HS6ST3: variants seen among roughly 807,000 people sequenced by gnomAD.
HS6ST3 encodes heparan sulfate 6-O-sulfotransferase 3, also known as heparan-sulfate 6-O-sulfotransferase 3.
A neutral mutation model predicts 36.7 loss-of-function variants in HS6ST3; 12 were observed. That is an observed-to-expected ratio of 0.33 (90% CI 0.21 to 0.53). HS6ST3 has a LOEUF of 0.53. HS6ST3 is among the 20% of genes least tolerant of loss of function. The pLI is 0.95. For missense variants in HS6ST3, 584 were observed against 640.9 expected (o/e 0.91, Z 0.96); for synonymous variants, 240 against 257.5 (o/e 0.93, Z 0.65).
intron 1 of HS6ST3, among the ~76,000 whole-genome samples, chr13:96,478,024 A>C (rs2055872456): frequency 6.6e-6 from 1 of 152,210 alleles, no homozygotes; most frequent in Non-Finnish European, 1.5e-5. Context: ...CAAGAAGAGA[A>C]GGGGAACTTT....
At chr13:96,199,709 T>TTTTAAA (rs2054331780) in intron 1 of HS6ST3, among the ~76,000 whole-genome samples, 1 of 152,238 alleles carries the variant, frequency 6.6e-6, no homozygotes, top group African/African-American at 2.4e-5. Flanking sequence ...ACATACTTTA[T>TTTTAAA]TTTAAATTTT....
intron 1 of HS6ST3, among the ~76,000 whole-genome samples, chr13:96,458,218 A>G (rs977231036): frequency 6.6e-6 from 1 of 152,066 alleles, no homozygotes; most frequent in African/African-American, 2.4e-5. Context: ...ATGGTTGAAA[A>G]CCTGGAGTCA....
intron 1 of HS6ST3, among the ~76,000 whole-genome samples, chr13:96,137,383 A>G (rs1046228887): frequency 4.7e-5 from 7 of 150,380 alleles, no homozygotes; most frequent in Admixed American, 1.3e-4. Flanking sequence ...TCATTTTTCC[A>G]TTCTACCCTC....
intron 1 of HS6ST3, among the ~76,000 whole-genome samples, chr13:96,817,547 T>G (rs75427573): frequency 0.015 from 2,297 of 152,338 alleles, 36 homozygotes; most frequent in South Asian, 0.034. Context: ...AGAGCCCCCT[T>G]GTGGCTATAA....
chr13:96,550,142 A>C (rs1174422519), intron 1 of HS6ST3, among the ~76,000 whole-genome samples: 2 of 152,240 alleles, frequency 1.3e-5, no homozygotes, highest in East Asian at 1.9e-4. Flanking sequence ...ATTGCATGTT[A>C]TGTGACCTTT....
At chr13:96,570,683 G>C (rs1423683870) in intron 1 of HS6ST3, among the ~76,000 whole-genome samples, 1 of 152,232 alleles carries the variant, frequency 6.6e-6, no homozygotes, top group East Asian at 1.9e-4. Context: ...GATGTGGAAA[G>C]CATGTTGGCA....
intron 1 of HS6ST3, among the ~76,000 whole-genome samples, chr13:96,158,962 T>G (rs946984940): frequency 1.3e-5 from 2 of 152,066 alleles, no homozygotes; most frequent in Non-Finnish European, 2.9e-5. Context: ...AACTGTCACT[T>G]AGTGAATCCT....
intron 1 of HS6ST3, among the ~76,000 whole-genome samples, chr13:96,493,715 G>A (rs1021634466): frequency 1.3e-5 from 2 of 152,146 alleles, no homozygotes; most frequent in Admixed American, 6.5e-5. Context: ...ATGAAAAAAG[G>A]ATAAAGTTTT....
intron 1 of HS6ST3, among the ~76,000 whole-genome samples, chr13:96,729,655 C>G (rs1876094817): frequency 6.6e-6 from 1 of 151,592 alleles, no homozygotes; most frequent in Non-Finnish European, 1.5e-5. Context: ...TTAGTAGAGC[C>G]AAAGTTTCAC....
intron 1 of HS6ST3, among the ~76,000 whole-genome samples, chr13:96,413,703 G>A (rs1338512228): frequency 6.6e-6 from 1 of 152,110 alleles, no homozygotes; most frequent in African/African-American, 2.4e-5. Flanking sequence ...GACATTTAAG[G>A]CTTGAATGCC....
chr13:96,121,359 T>C (rs1397512347), intron 1 of HS6ST3, among the ~76,000 whole-genome samples: 1 of 152,218 alleles, frequency 6.6e-6, no homozygotes, highest in Non-Finnish European at 1.5e-5. Flanking sequence ...AGAGTAAGGC[T>C]AGAATGATTA....
chr13:96,567,112 CTCTTTTT>C (rs2138959423), intron 1 of HS6ST3, among the ~76,000 whole-genome samples: 1 of 152,172 alleles, frequency 6.6e-6, no homozygotes, highest in South Asian at 2.1e-4. Context: ...TTTCCATTTT[CTCTTTTT>C]TCTTTTACTG....
At chr13:96,258,821 C>T (rs1369498392) in intron 1 of HS6ST3, among the ~76,000 whole-genome samples, 1 of 152,092 alleles carries the variant, frequency 6.6e-6, no homozygotes, top group African/African-American at 2.4e-5. Flanking sequence ...ATGCTAAGGA[C>T]TTGAGAAATA....
At chr13:96,421,733 T>C (rs1237756590) in intron 1 of HS6ST3, among the ~76,000 whole-genome samples, 1 of 152,200 alleles carries the variant, frequency 6.6e-6, no homozygotes, top group Non-Finnish European at 1.5e-5. Flanking sequence ...CGTCTCCATG[T>C]TTCCATAGTA....
At position 96,396,228 on chromosome 13, in the gene HS6ST3, C is replaced by T. The variant is rs531636597; in HGVS notation, c.707+304659C>T. Reference sequence around the variant, plus strand: ...ACCCTGGAGGCTGAGGCAGGAGAATCGCTTGAGCCCAGGAGGCAGAGATTA... The same window carrying T: ...ACCCTGGAGGCTGAGGCAGGAGAATTGCTTGAGCCCAGGAGGCAGAGATTA... On this transcript the variant is annotated intron_variant, in intron 1 of 1. Coordinates refer to ENST00000376705, the MANE Select transcript of HS6ST3 (RefSeq NM_153456.4). 7.0e-4 allele frequency among the ~76,000 whole-genome samples: 107 copies of T among 152,108 alleles called. 1 individual carries two copies. Among genetic ancestry groups the T allele is most frequent in the Middle Eastern group, 6.8e-3 (2 of 294 alleles).
At chr13:96,221,342 G>A (rs1343582978) in intron 1 of HS6ST3, among the ~76,000 whole-genome samples, 2 of 152,174 alleles carry the variant, frequency 1.3e-5, no homozygotes, top group Middle Eastern at 3.2e-3. Context: ...CTACCCTTCT[G>A]TCATTTTCAA....
At chr13:96,258,263 A>G (rs1362054664) in intron 1 of HS6ST3, among the ~76,000 whole-genome samples, 1 of 152,176 alleles carries the variant, frequency 6.6e-6, no homozygotes, top group East Asian at 1.9e-4. Flanking sequence ...CTGCTTCTAA[A>G]TCCTGGATAA....
chr13:96,637,157 G>A (rs1171413708), intron 1 of HS6ST3, among the ~76,000 whole-genome samples: 1 of 152,086 alleles, frequency 6.6e-6, no homozygotes, highest in East Asian at 1.9e-4. Flanking sequence ...ATATAACTCT[G>A]TGTTAATTTG....
intron 1 of HS6ST3, among the ~76,000 whole-genome samples, chr13:96,723,844 T>C (rs1274071127): frequency 1.3e-5 from 2 of 152,234 alleles, no homozygotes; most frequent in South Asian, 2.1e-4. Flanking sequence ...ATCTTTTTAA[T>C]GGTCTCATCT....
Sources: gnomAD v4.1 joint callset for allele counts (sites outside exome capture counted in the v4.1 genomes callset) on GRCh38, gnomAD v4.1.1 for gene constraint, MANE v1.5 for transcripts, NCBI Gene and HGNC (gene_info 2026-07-23, HGNC 2026-07-21) for gene names.